The following ATP6V1A variants were observed in gnomAD, a reference collection of about 807,000 sequenced individuals.
ATP6V1A encodes the protein ATPase H+ transporting V1 subunit A, also known as V-type proton ATPase catalytic subunit A.
A neutral mutation model predicts 70.1 loss-of-function variants in ATP6V1A; 18 were observed. The observed-to-expected ratio is 0.26, with a 90% CI of 0.18 to 0.38. The LOEUF is 0.38. Among genes scored for constraint, ATP6V1A ranks in the 10% least tolerant of loss-of-function variants. The probability of loss-of-function intolerance (pLI) is 1.00; values close to 1 mark genes in which losing one functional copy is unlikely to be tolerated. For missense variants in ATP6V1A, 424 were observed against 772.4 expected (o/e 0.55, Z 5.35); for synonymous variants, 232 against 253.8 (o/e 0.91, Z 0.82).
intron 1 of ATP6V1A, among the ~76,000 whole-genome samples, chr3:113,754,649 C>T (rs1318855774): frequency 6.6e-6 from 1 of 152,068 alleles, no homozygotes; most frequent in African/African-American, 2.4e-5. Flanking sequence ...GCTATCGACA[C>T]GCTTTCTGCC....
chr3:113,779,194 C>T lies in ATP6V1A; in HGVS notation c.82+359C>T, dbSNP rs187504198. The T allele has an allele frequency of 3.0e-4, 47 of 158,712 alleles. No individual in the cohort carries two copies. The Middle Eastern group carries it at 9.1e-3, about 31-fold the overall frequency. 9.8% of individuals were successfully genotyped at this position (158,712 alleles called of 1,614,324 possible). On this transcript the variant is annotated intron_variant, in intron 2 of 14. Coordinates refer to ENST00000273398, the MANE Select transcript of ATP6V1A (RefSeq NM_001690.4). ...TAATACCTTGCATATAGCAGGCATT[C>T]AGTAAATGTTAATTTGCTTTGAACT...
Position 113,761,178 on chromosome 3 carries a change from G to A in ATP6V1A, c.-14+14065G>A, listed in dbSNP as rs147814063. On this transcript the variant is annotated intron_variant, in intron 1 of 14. Coordinates refer to ENST00000273398, the MANE Select transcript of ATP6V1A (RefSeq NM_001690.4). The stretch of plus-strand genomic sequence containing the variant: ...TGGTCTTGAACTCCTGGACTCAAGC[G>A]TGATCCTCCCACCTCAGCTTCCCAA... Among the ~76,000 whole-genome samples the A allele has an allele frequency of 2.0e-5, 3 of 150,968 alleles. No individual in the cohort carries two copies. In the East Asian group the frequency reaches 5.8e-4, roughly 29 times the overall value.
chr3:113,755,168 T>C (rs1458438528), intron 1 of ATP6V1A, among the ~76,000 whole-genome samples: 1 of 152,190 alleles, frequency 6.6e-6, no homozygotes, highest in African/African-American at 2.4e-5. Flanking sequence ...TTCCTAGTGG[T>C]GTGACTTTGG....
At position 113,788,860 on chromosome 3, in the gene ATP6V1A, C is replaced by T; in HGVS notation, c.864C>T (p.Leu288=). The T allele has an allele frequency of 1.2e-6, 2 of 1,612,508 alleles. No individual in the cohort carries two copies. The highest frequency in any genetic ancestry group is 1.7e-6 in the Non-Finnish European group (2 of 1,179,506). ...GAGGAAATGAGATGTCTGAAGTCCT[C>T]CGGGACTTCCCAGAGGTCTGTATAA... is the stretch of plus-strand genomic sequence containing the variant. ...GERGNEMSEV[L]RDFPELTMEV... Residue 288 remains leucine (L), a synonymous_variant, in exon 7 of 15, where the codon CTC becomes CTT. Coordinates refer to ENST00000273398, the MANE Select transcript of ATP6V1A (RefSeq NM_001690.4).
At chr3:113,805,279 T>C in intron 13 of ATP6V1A, 75 bp from the exon 14 acceptor site, 1 of 1,378,512 alleles carries the variant, frequency 7.3e-7, no homozygotes, top group Middle Eastern at 1.8e-4. Context: ...ACTAATGCTC[T>C]AGTAGTTTTA....
At chr3:113,768,183 A>C (rs1708795104) in intron 1 of ATP6V1A, among the ~76,000 whole-genome samples, 1 of 152,048 alleles carries the variant, frequency 6.6e-6, no homozygotes, top group South Asian at 2.1e-4. Context: ...GTTTTTCCTG[A>C]TTGTTAGTCC....
At chr3:113,800,050 G>A in intron 12 of ATP6V1A, among the ~76,000 whole-genome samples, 1 of 151,966 alleles carries the variant, frequency 6.6e-6, no homozygotes, top group African/African-American at 2.4e-5. Context: ...GGCCAGCATG[G>A]TGAAACCCTG....
intron 1 of ATP6V1A, among the ~76,000 whole-genome samples, chr3:113,754,650 G>A (rs1031214225): frequency 2.0e-5 from 3 of 152,034 alleles, no homozygotes; most frequent in African/African-American, 4.8e-5. Context: ...CTATCGACAC[G>A]CTTTCTGCCT....
At chr3:113,759,764 T>A (rs1708681673) in intron 1 of ATP6V1A, among the ~76,000 whole-genome samples, 1 of 152,172 alleles carries the variant, frequency 6.6e-6, no homozygotes, top group Non-Finnish European at 1.5e-5. Context: ...TGAAAGGGTT[T>A]TATCAGTTTT....
chr3:113,803,746 TA>T (rs376415408), intron 13 of ATP6V1A, 69 bp downstream of exon 13: 2 of 1,235,950 alleles, frequency 1.6e-6, no homozygotes, highest in South Asian at 2.6e-5. Context: ...GAGTACACAT[TA>T]AAAACCCTTT....
chr3:113,778,993 T>G (rs1708950116), intron 2 of ATP6V1A, 158 bp downstream of exon 2: 1 of 448,538 alleles, frequency 2.2e-6, no homozygotes, highest in South Asian at 6.3e-5. Context: ...AAGTAGAATC[T>G]CTGTCATAAG....
chr3:113,804,629 T>C (rs1709254687), intron 13 of ATP6V1A, among the ~76,000 whole-genome samples: 1 of 152,202 alleles, frequency 6.6e-6, no homozygotes, highest in Non-Finnish European at 1.5e-5. Context: ...TAAATATGCC[T>C]GTATATCAGT....
intron 12 of ATP6V1A, among the ~76,000 whole-genome samples, chr3:113,803,051 G>GTATA (rs576192066): frequency 6.6e-5 from 10 of 151,092 alleles, no homozygotes; most frequent in South Asian, 4.2e-4. Context: ...ACAAAATGTG[G>GTATA]TATATATATA....
intron 12 of ATP6V1A, among the ~76,000 whole-genome samples, chr3:113,799,217 T>G (rs1322556655): frequency 1.3e-5 from 2 of 152,044 alleles, no homozygotes; most frequent in Non-Finnish European, 2.9e-5. Context: ...GTGTATGAGG[T>G]CTAGTAGGAT....
chr3:113,784,530 A>G, intron 4 of ATP6V1A, 92 bp downstream of exon 4: 2 of 1,399,586 alleles, frequency 1.4e-6, no homozygotes. Context: ...TCCAAATAAA[A>G]ATAGACTACA....
At chr3:113,783,519 A>C (rs1311123888) in intron 3 of ATP6V1A, among the ~76,000 whole-genome samples, 1 of 152,200 alleles carries the variant, frequency 6.6e-6, no homozygotes, top group Non-Finnish European at 1.5e-5. Flanking sequence ...CCTCAGCAGC[A>C]TATGTGAAGC....
intron 1 of ATP6V1A, among the ~76,000 whole-genome samples, chr3:113,760,183 T>C (rs1402214680): frequency 6.6e-6 from 1 of 152,230 alleles, no homozygotes; most frequent in Admixed American, 6.5e-5. Context: ...GTCCTCTGAA[T>C]TGAAAATGTC....
At chr3:113,752,276 T>C (rs1029987738) in intron 1 of ATP6V1A, among the ~76,000 whole-genome samples, 3 of 151,900 alleles carry the variant, frequency 2.0e-5, no homozygotes, top group African/African-American at 7.2e-5. Flanking sequence ...TTTAATTTTT[T>C]TAATGTTTAA....
intron 8 of ATP6V1A, among the ~76,000 whole-genome samples, chr3:113,793,375 A>C (rs1204135128): frequency 6.6e-6 from 1 of 152,090 alleles, no homozygotes; most frequent in East Asian, 1.9e-4. Context: ...AAACTCTTTG[A>C]TTAATGAATA....
Sources: allele counts gnomAD v4.1 joint callset (sites outside exome capture counted in the v4.1 genomes callset), GRCh38; gene constraint gnomAD v4.1.1; transcripts MANE v1.5; gene names NCBI Gene and HGNC (gene_info 2026-07-23, HGNC 2026-07-21).